The following FBXO4 variants were observed in gnomAD, a reference collection of about 807,000 sequenced individuals.
FBXO4 encodes the protein F-box only protein 4.
A neutral mutation model predicts 43.7 loss-of-function variants in FBXO4; 36 were observed. The observed-to-expected ratio is 0.82, with a 90% CI of 0.63 to 1.09. The LOEUF is 1.09. Ranked by LOEUF, FBXO4 falls within the 50% of genes least tolerant of loss-of-function variation. The probability of loss-of-function intolerance (pLI) is 0.00; values close to 1 mark genes in which losing one functional copy is unlikely to be tolerated. For synonymous variants in FBXO4, 180 were observed against 165.6 expected (o/e 1.09, Z -0.67); for missense variants, 435 against 474.1 (o/e 0.92, Z 0.77).
At position 41,941,178 on chromosome 5, in the gene FBXO4, T is replaced by C; in HGVS notation, c.1075-14T>C. ...AGTTTCTTACTAACAACATTCTCTC[T>C]TATGTATTCCGAGGTCCAGGATACA... On this transcript the variant is annotated splice_polypyrimidine_tract_variant and intron_variant, in intron 6 of 6. Coordinates refer to ENST00000281623, the MANE Select transcript of FBXO4 (RefSeq NM_012176.3). 2 of 1,608,602 alleles carry C rather than the reference T, an allele frequency of 1.2e-6. No individual in the cohort carries two copies. The highest frequency in any genetic ancestry group is 1.7e-6 in the Non-Finnish European group (2 of 1,175,282).
At chr5:41,995,854 C>T in the FBXO4 span, among the ~76,000 whole-genome samples, 2 of 152,182 alleles carry the variant, frequency 1.3e-5, no homozygotes, top group South Asian at 2.1e-4. Context: ...CGCACATTTG[C>T]CCATTTCTCT....
chr5:41,956,503 A>G, the FBXO4 span, among the ~76,000 whole-genome samples: 1 of 152,110 alleles, frequency 6.6e-6, no homozygotes, highest in Non-Finnish European at 1.5e-5. Flanking sequence ...GATGAAGTAA[A>G]TTCTTTCAGT....
At position 41,935,954 on chromosome 5, in the gene FBXO4, CTG is replaced by C. The variant is rs1751838235; in HGVS notation, c.898+1652_898+1653del. 2.0e-5 allele frequency among the ~76,000 whole-genome samples: 3 copies of C among 152,228 alleles called. No homozygotes were observed. The South Asian group carries it at 6.2e-4, about 31-fold the overall frequency. ...GCATGCTGCTGGAAGAATTTAAAGT[CTG>C]TGTGTTACAAAGTTAACTATAGCAA... On this transcript the variant is annotated intron_variant, in intron 5 of 6. Transcript: ENST00000281623.
chr5:42,032,617 G>A, the FBXO4 span, among the ~76,000 whole-genome samples: 1 of 152,104 alleles, frequency 6.6e-6, no homozygotes, highest in Admixed American at 6.6e-5. Context: ...TGAGACTCAC[G>A]CTTCAGGACA....
At chr5:42,012,140 C>A in the FBXO4 span, among the ~76,000 whole-genome samples, 1 of 152,098 alleles carries the variant, frequency 6.6e-6, no homozygotes, top group African/African-American at 2.4e-5. Flanking sequence ...GTTCAGGAAA[C>A]CCTAACTAAG....
At chr5:41,996,960 A>G in the FBXO4 span, among the ~76,000 whole-genome samples, 1 of 152,220 alleles carries the variant, frequency 6.6e-6, no homozygotes, top group African/African-American at 2.4e-5. Context: ...AATGTAATGG[A>G]CCAGTGTGAC....
chr5:41,985,985 TA>T, the FBXO4 span, among the ~76,000 whole-genome samples: 1 of 152,190 alleles, frequency 6.6e-6, no homozygotes, highest in Non-Finnish European at 1.5e-5. Context: ...ATTTTCTATT[TA>T]AAATTCCCGA....
At chr5:41,935,146 A>G (rs1043857997) in intron 5 of FBXO4, 6 of 984,980 alleles carry the variant, frequency 6.1e-6, no homozygotes, top group South Asian at 4.7e-5. Flanking sequence ...TGCAGTTACA[A>G]TTGGGAACTA....
At chr5:42,016,424 T>TAGG in the FBXO4 span, among the ~76,000 whole-genome samples, 1 of 151,902 alleles carries the variant, frequency 6.6e-6, no homozygotes, top group Admixed American at 6.6e-5. Context: ...TCAATAACCA[T>TAGG]TCTGCCACCA....
chr5:41,999,563 G>GTATA, the FBXO4 span, among the ~76,000 whole-genome samples: 4 of 100,526 alleles, frequency 4.0e-5, no homozygotes, highest in Non-Finnish European at 5.8e-5. Context: ...ATATATATAT[G>GTATA]TATATATATA....
intron 3 of FBXO4, among the ~76,000 whole-genome samples, chr5:41,933,703 A>T (rs1186551511): frequency 6.6e-6 from 1 of 152,176 alleles, no homozygotes; most frequent in Admixed American, 6.5e-5. Flanking sequence ...GATGATAGTG[A>T]TGATGATATA....
At chr5:41,932,371 C>T (rs1012019371) in intron 3 of FBXO4, among the ~76,000 whole-genome samples, 29 of 152,190 alleles carry the variant, frequency 1.9e-4, no homozygotes, top group African/African-American at 7.0e-4. Context: ...GTGAAACATG[C>T]ACCAGACCTG....
At chr5:41,989,461 A>C in the FBXO4 span, among the ~76,000 whole-genome samples, 2 of 152,186 alleles carry the variant, frequency 1.3e-5, no homozygotes, top group Non-Finnish European at 1.5e-5. Context: ...ACTGTAGAGA[A>C]AGATGAGAAA....
At chr5:41,978,862 A>G in the FBXO4 span, among the ~76,000 whole-genome samples, 10 of 152,316 alleles carry the variant, frequency 6.6e-5, no homozygotes, top group Admixed American at 3.3e-4. Flanking sequence ...ATCATACATC[A>G]TGCTTCTATT....
At chr5:42,022,192 C>G in the FBXO4 span, among the ~76,000 whole-genome samples, 59 of 152,248 alleles carry the variant, frequency 3.9e-4, no homozygotes, top group East Asian at 2.5e-3. Context: ...CCTTTACCTT[C>G]TTAAAGTGGC....
the FBXO4 span, among the ~76,000 whole-genome samples, chr5:42,023,965 G>A: frequency 8.9e-4 from 135 of 152,114 alleles, no homozygotes; most frequent in African/African-American, 3.2e-3. Context: ...TTTGCTGGCT[G>A]TTGGCTGTAT....
the FBXO4 span, among the ~76,000 whole-genome samples, chr5:42,025,267 A>G: frequency 6.6e-6 from 1 of 152,016 alleles, no homozygotes; most frequent in African/African-American, 2.4e-5. Context: ...GTGAGATGAT[A>G]TCTCATTGTA....
chr5:41,958,298 C>T, the FBXO4 span, among the ~76,000 whole-genome samples: 90 of 152,238 alleles, frequency 5.9e-4, 1 homozygote, highest in Non-Finnish European at 7.2e-4. Flanking sequence ...CCACACCTGG[C>T]TAATTTTTTG....
the FBXO4 span, among the ~76,000 whole-genome samples, chr5:41,995,748 C>T: frequency 6.6e-6 from 1 of 152,194 alleles, no homozygotes; most frequent in Non-Finnish European, 1.5e-5. Context: ...CATACCTCTT[C>T]CCCTTTCTTT....
Sources: allele counts gnomAD v4.1 joint callset (sites outside exome capture counted in the v4.1 genomes callset), GRCh38; gene constraint gnomAD v4.1.1; transcripts MANE v1.5; gene names NCBI Gene and HGNC (gene_info 2026-07-23, HGNC 2026-07-21).